The following GPC6 variants were observed in gnomAD, a reference collection of about 807,000 sequenced individuals.
The protein encoded by GPC6 is glypican-6.
GPC6 carries 14 observed loss-of-function variants against 55.2 expected under a neutral mutation model. The observed-to-expected ratio is 0.25, with a 90% CI of 0.17 to 0.40. GPC6 has a LOEUF of 0.40. Ranked by LOEUF, GPC6 falls within the 10% of genes least tolerant of loss-of-function variation. GPC6 has a pLI of 1.00. For missense variants in GPC6, 641 were observed against 708.5 expected, an observed-to-expected ratio of 0.90 and a Z score of 1.08; for synonymous variants, 278 against 259.6, an observed-to-expected ratio of 1.07 and a Z score of -0.68.
chr13:93,859,698 T>C (rs201927864), intron 3 of GPC6, among the ~76,000 whole-genome samples: 1 of 60,136 alleles, frequency 1.7e-5, no homozygotes, highest in Non-Finnish European at 3.2e-5. Context: ...TTAACAACCA[T>C]GTAAGCATTT....
At chr13:94,278,375 T>G (rs1892274158) in intron 4 of GPC6, among the ~76,000 whole-genome samples, 1 of 152,214 alleles carries the variant, frequency 6.6e-6, no homozygotes, top group South Asian at 2.1e-4. Context: ...AATCATGTCT[T>G]CTGCAAACAG....
At chr13:93,702,316 T>C (rs1244919743) in intron 2 of GPC6, among the ~76,000 whole-genome samples, 1 of 152,030 alleles carries the variant, frequency 6.6e-6, no homozygotes. Flanking sequence ...ATAGTAGGTC[T>C]CAACAGTGGG....
chr13:94,284,859 G>T (rs1892485592), intron 4 of GPC6, among the ~76,000 whole-genome samples: 1 of 139,932 alleles, frequency 7.1e-6, no homozygotes, highest in Admixed American at 7.0e-5. Context: ...TTTTTATTGT[G>T]GATAATAAAA....
At chr13:93,421,281 A>G (rs1876912716) in intron 1 of GPC6, among the ~76,000 whole-genome samples, 1 of 152,100 alleles carries the variant, frequency 6.6e-6, no homozygotes, top group Non-Finnish European at 1.5e-5. Flanking sequence ...GGATGTATCC[A>G]CCTGGTTAGG....
intron 4 of GPC6, among the ~76,000 whole-genome samples, chr13:94,252,611 A>G: frequency 6.6e-6 from 1 of 152,102 alleles, no homozygotes; most frequent in Non-Finnish European, 1.5e-5. Context: ...ACCCACCACC[A>G]CCAACAACAA....
intron 3 of GPC6, among the ~76,000 whole-genome samples, chr13:93,967,129 T>G (rs1320525377): frequency 6.6e-6 from 1 of 152,104 alleles, no homozygotes; most frequent in Admixed American, 6.6e-5. Context: ...CATGTGGTGG[T>G]TTTGCTACTT....
chr13:94,345,843 A>G (rs1878258965), intron 6 of GPC6, among the ~76,000 whole-genome samples: 1 of 152,172 alleles, frequency 6.6e-6, no homozygotes, highest in South Asian at 2.1e-4. Flanking sequence ...AGAGAAATGT[A>G]TTGTCTCAGT....
intron 2 of GPC6, among the ~76,000 whole-genome samples, chr13:93,678,089 T>G (rs749456524): frequency 6.6e-6 from 1 of 152,198 alleles, no homozygotes; most frequent in Non-Finnish European, 1.5e-5. Context: ...TGTTTATGTA[T>G]CTGTTCACTT....
chr13:94,065,272 T>C (rs934849349), intron 4 of GPC6, among the ~76,000 whole-genome samples: 1 of 152,134 alleles, frequency 6.6e-6, no homozygotes, highest in Non-Finnish European at 1.5e-5. Context: ...GGCAGTGTGA[T>C]CAGTCCCAGG....
At chr13:93,352,274 G>A (rs1327843085) in intron 1 of GPC6, among the ~76,000 whole-genome samples, 1 of 152,068 alleles carries the variant, frequency 6.6e-6, no homozygotes, top group African/African-American at 2.4e-5. Context: ...AAGAATGCAT[G>A]CATTAGTATT....
At chr13:93,961,947 G>A (rs1004446606) in intron 3 of GPC6, among the ~76,000 whole-genome samples, 1 of 152,142 alleles carries the variant, frequency 6.6e-6, no homozygotes, top group Non-Finnish European at 1.5e-5. Context: ...AACAGCATCT[G>A]TAGTTCGTTG....
intron 5 of GPC6, among the ~76,000 whole-genome samples, chr13:94,297,161 G>A (rs1406148879): frequency 6.6e-6 from 1 of 152,074 alleles, no homozygotes; most frequent in African/African-American, 2.4e-5. Context: ...TTGCCCCTGT[G>A]GGTGTTCCGT....
At chr13:93,643,944 C>T (rs1409112599) in intron 2 of GPC6, among the ~76,000 whole-genome samples, 2 of 151,984 alleles carry the variant, frequency 1.3e-5, no homozygotes. Context: ...ATTTTTCCTG[C>T]TCTCAGTGGT....
chr13:93,698,286 C>T (rs539058091), intron 2 of GPC6, among the ~76,000 whole-genome samples: 1 of 152,134 alleles, frequency 6.6e-6, no homozygotes, highest in East Asian at 1.9e-4. Flanking sequence ...TAGTCCTTTT[C>T]CTCTAGACAG....
intron 4 of GPC6, among the ~76,000 whole-genome samples, chr13:94,205,843 G>A (rs1327105371): frequency 1.3e-5 from 2 of 152,106 alleles, no homozygotes; most frequent in Admixed American, 1.3e-4. Context: ...ATGAAAACAC[G>A]GCTAAACTAA....
At chr13:94,082,731 A>G (rs985161715) in intron 4 of GPC6, among the ~76,000 whole-genome samples, 8 of 151,992 alleles carry the variant, frequency 5.3e-5, no homozygotes, top group African/African-American at 1.9e-4. Context: ...CCATTTTCCT[A>G]GTTTATTTGA....
At chr13:93,874,010 A>G (rs1305769073) in intron 3 of GPC6, among the ~76,000 whole-genome samples, 1 of 151,954 alleles carries the variant, frequency 6.6e-6, no homozygotes, top group African/African-American at 2.4e-5. Flanking sequence ...GTCTCCCTGC[A>G]GCCTTTCTTA....
At chr13:93,224,313 A>G (rs756671119), upstream of GPC6, among the ~76,000 whole-genome samples, 3 of 144,262 alleles carry the variant, frequency 2.1e-5, no homozygotes, top group Non-Finnish European at 3.0e-5. Flanking sequence ...TCCTGCCTCA[A>G]CCTCCCGAGG....
intron 4 of GPC6, among the ~76,000 whole-genome samples, chr13:94,077,695 G>C (rs185171478): frequency 2.4e-4 from 37 of 151,814 alleles, no homozygotes; most frequent in Admixed American, 4.6e-4. Context: ...ATTAAATTTT[G>C]TCAAATGCCT....
Sources: gnomAD v4.1 joint callset for allele counts (sites outside exome capture counted in the v4.1 genomes callset) on GRCh38, gnomAD v4.1.1 for gene constraint, MANE v1.5 for transcripts, NCBI Gene and HGNC (gene_info 2026-07-23, HGNC 2026-07-21) for gene names.